The following TFRC variants were observed in gnomAD, a reference collection of about 807,000 sequenced individuals.
TFRC encodes the protein transferrin receptor, also known as transferrin receptor protein 1.
In TFRC, 35 loss-of-function variants were observed where a neutral mutation model predicts 85.8. That is an observed-to-expected ratio of 0.41 (90% CI 0.31 to 0.54). The LOEUF (loss-of-function observed/expected upper bound fraction) is 0.54, where lower values mean the gene tolerates loss of function less well. TFRC is among the 20% of genes least tolerant of loss of function. The pLI, the probability that TFRC is intolerant of heterozygous loss-of-function variation, is 0.31. For missense variants in TFRC, 828 were observed against 921.5 expected, an observed-to-expected ratio of 0.90 and a Z score of 1.31; for synonymous variants, 362 against 328.6, an observed-to-expected ratio of 1.10 and a Z score of -1.10.
At chr3:196,077,440 A>G (rs927402053) in intron 1 of TFRC, among the ~76,000 whole-genome samples, 9 of 151,672 alleles carry the variant, frequency 5.9e-5, no homozygotes, top group African/African-American at 2.2e-4. Context: ...ACGAACCACT[A>G]TGTTCTGAGT....
intron 2 of TFRC, among the ~76,000 whole-genome samples, chr3:196,075,661 TCTA>T (rs1324729492): frequency 5.3e-5 from 8 of 151,864 alleles, no homozygotes; most frequent in Non-Finnish European, 1.0e-4. Context: ...AATCCTGGGC[TCTA>T]CTGATTCCCC....
chr3:196,058,504 A>G (rs1717005906), intron 15 of TFRC, 70 bp downstream of exon 15: 1 of 1,513,236 alleles, frequency 6.6e-7, no homozygotes, highest in African/African-American at 1.4e-5. Flanking sequence ...ACAGATTTAG[A>G]TTCTACCTAA....
At chr3:196,069,638 A>G (rs751715545) in intron 6 of TFRC, 70 bp from the exon 7 acceptor site, 7 of 993,270 alleles carry the variant, frequency 7.0e-6, no homozygotes, top group Non-Finnish European at 1.1e-5. Context: ...GAGACAGAAG[A>G]GTGTTATAGA....
At chr3:196,073,503 A>C (rs1718404445) in intron 4 of TFRC, among the ~76,000 whole-genome samples, 2 of 152,100 alleles carry the variant, frequency 1.3e-5, no homozygotes, top group Non-Finnish European at 2.9e-5. Context: ...CTAGAGACTT[A>C]AGGCAGGCAG....
intron 16 of TFRC, among the ~76,000 whole-genome samples, chr3:196,056,801 G>C (rs1716832710): frequency 6.6e-6 from 1 of 152,128 alleles, no homozygotes; most frequent in Admixed American, 6.6e-5. Context: ...TAATAATGAA[G>C]GAACATGCAA....
Position 196,049,370 on chromosome 3 carries a change from A to G in TFRC, c.*2572T>C, listed in dbSNP as rs1716105751. 1 of 199,718 alleles carries G rather than the reference A, an allele frequency of 5.0e-6. No homozygotes were observed. The highest frequency in any genetic ancestry group is 2.3e-5 in the African/African-American group (1 of 43,438). 12.4% of individuals were successfully genotyped at this position (199,718 alleles called of 1,614,324 possible). A position where few individuals can be genotyped will look rare whatever the true frequency, so the allele number is the denominator to read the frequency against. ...TTTTATACAATGATAAGGACATATC[A>G]TTTGTTTACAAAGAAAGTCTAAAAT... On this transcript the variant is annotated 3_prime_UTR_variant, in exon 19 of 19. Coordinates refer to ENST00000360110, the MANE Select transcript of TFRC (RefSeq NM_001128148.3).
chr3:196,072,904 T>C (rs1415229090), intron 4 of TFRC: 1 of 151,478 alleles, frequency 6.6e-6, no homozygotes, highest in Admixed American at 6.6e-5. Flanking sequence ...AATAAATAAA[T>C]ATAAAATAGA....
chr3:196,053,958 C>T (rs992165977), intron 17 of TFRC, among the ~76,000 whole-genome samples: 18 of 152,128 alleles, frequency 1.2e-4, no homozygotes, highest in Admixed American at 3.9e-4. Context: ...CATAAGATGC[C>T]GGGCGTGGTG....
chr3:196,073,795 C>G (rs1718429269), intron 4 of TFRC, 135 bp downstream of exon 4: 1 of 929,380 alleles, frequency 1.1e-6, no homozygotes, highest in Non-Finnish European at 1.5e-6. Context: ...GCCCCTTCCC[C>G]TCTTTAGCTA....
chr3:196,054,955 C>T, intron 17 of TFRC, 125 bp downstream of exon 17: 2 of 956,044 alleles, frequency 2.1e-6, no homozygotes, highest in Admixed American at 1.9e-5. Flanking sequence ...ACAATTATAC[C>T]TCAGTTCACT....
chr3:196,071,249 T>C (rs1251478424), intron 6 of TFRC, 147 bp downstream of exon 6: 8 of 623,344 alleles, frequency 1.3e-5, no homozygotes, highest in African/African-American at 7.4e-5. Context: ...ACAATGCATG[T>C]TGACTGTGTC....
intron 2 of TFRC, among the ~76,000 whole-genome samples, chr3:196,075,561 T>C (rs1352875774): frequency 6.6e-6 from 1 of 151,852 alleles, no homozygotes; most frequent in Non-Finnish European, 1.5e-5. Flanking sequence ...TCTCCCTTTT[T>C]GTAAATTTTT....
In TFRC at chr3:196,074,009, C is replaced by A; in HGVS notation, c.355G>T (p.Ala119Ser). 6.2e-7 allele frequency: 1 copy of A among 1,614,208 alleles called. No individual in the cohort carries two copies. Among genetic ancestry groups the A allele is most frequent in the South Asian group, 1.1e-5 (1 of 91,084 alleles). Reference sequence around the variant, plus strand: ...AGGTCATCCCAATATAAGCGACGTGCTGCAGGGAAGTCCTCTCCTGGCTCC... The same window carrying A: ...AGGTCATCCCAATATAAGCGACGTGATGCAGGGAAGTCCTCTCCTGGCTCC... ...REEPGEDFPA[A>S]RRLYWDDLKR... The change falls in exon 4 of 19, where the codon GCA (alanine) becomes TCA (serine). Residue 119 changes from alanine (A) to serine (S), a missense_variant. Physicochemically the swap from Ala to Ser is moderately conservative, Grantham distance 99. Coordinates refer to ENST00000360110, the MANE Select transcript of TFRC (RefSeq NM_001128148.3).
chr3:196,058,710 A>C (rs1717028488), intron 14 of TFRC, 78 bp from the exon 15 acceptor site: 2 of 948,750 alleles, frequency 2.1e-6, no homozygotes, highest in Non-Finnish European at 3.1e-6. Context: ...ATGTTACTCT[A>C]TAACAATTTT....
At position 196,072,168 on chromosome 3, in the gene TFRC, C is replaced by T. The variant is rs1718270797; in HGVS notation, c.435-16G>A. The T allele has an allele frequency of 3.1e-6, 5 of 1,609,410 alleles. No individual in the cohort carries two copies. The highest frequency in any genetic ancestry group is 3.4e-6 in the Non-Finnish European group (4 of 1,179,004). ...ATTCAGCAGCCTGGAGGAGAAAATG[C>T]CTTTTAAATGAACTTAAGTTTACTT... On this transcript the variant is annotated splice_polypyrimidine_tract_variant and intron_variant, in intron 4 of 18. Coordinates refer to ENST00000360110, the MANE Select transcript of TFRC (RefSeq NM_001128148.3).
intron 17 of TFRC, among the ~76,000 whole-genome samples, chr3:196,054,080 T>A (rs574720010): frequency 2.7e-5 from 4 of 149,286 alleles, no homozygotes; most frequent in Admixed American, 2.7e-4. Flanking sequence ...CTACTAAAAA[T>A]ACAAAAAATT....
chr3:196,051,818 A>C lies in TFRC; in HGVS notation c.*124T>G. ...CTGCTGCCTAAAGACATCTAGTAGT[A>C]CCAAGATGATGGGATGGAATTTTAA... is the stretch of plus-strand genomic sequence containing the variant. On this transcript the variant is annotated 3_prime_UTR_variant, in exon 19 of 19. Coordinates refer to ENST00000360110, the MANE Select transcript of TFRC (RefSeq NM_001128148.3). 1 of 1,176,512 alleles carries C rather than the reference A, an allele frequency of 8.5e-7. No homozygotes were observed. 72.9% of individuals were successfully genotyped at this position (1,176,512 alleles called of 1,614,324 possible).
chr3:196,062,313 C>A, intron 13 of TFRC: 1 of 389,408 alleles, frequency 2.6e-6, no homozygotes. Flanking sequence ...AGGCAGATCG[C>A]CTGAGGTCAG....
In TFRC at chr3:196,070,585, A is replaced by G. The variant is rs534257652; in HGVS notation, c.687+811T>C. ...TGATTTTTAAGCTGAAAATTATTCTATCTATCTGTTCTCTATTTCTGTGTT... is the reference window on the plus strand; with the variant it reads ...TGATTTTTAAGCTGAAAATTATTCTGTCTATCTGTTCTCTATTTCTGTGTT... On this transcript the variant is annotated intron_variant, in intron 6 of 18. Coordinates refer to ENST00000360110, the MANE Select transcript of TFRC (RefSeq NM_001128148.3). Among the ~76,000 whole-genome samples the G allele has an allele frequency of 2.7e-3, 409 of 151,952 alleles. 2 individuals are homozygous for G. Among genetic ancestry groups the G allele is most frequent in the African/African-American group, 9.5e-3 (394 of 41,438 alleles).
Sources: gnomAD v4.1 joint callset for allele counts (sites outside exome capture counted in the v4.1 genomes callset) on GRCh38, gnomAD v4.1.1 for gene constraint, MANE v1.5 for transcripts, NCBI Gene and HGNC (gene_info 2026-07-23, HGNC 2026-07-21) for gene names.